The following UHRF1 variants were observed in gnomAD, a reference collection of about 807,000 sequenced individuals.
UHRF1 encodes E3 ubiquitin-protein ligase UHRF1.
A neutral mutation model predicts 96.5 loss-of-function variants in UHRF1; 9 were observed. The ratio of observed to expected loss-of-function variants is 0.09; its 90% CI spans 0.06 to 0.16. The LOEUF (loss-of-function observed/expected upper bound fraction) is 0.16, where lower values mean the gene tolerates loss of function less well. UHRF1 is among the 10% of genes least tolerant of loss of function. The pLI, the probability that UHRF1 is intolerant of heterozygous loss-of-function variation, is 1.00. For missense variants in UHRF1, 626 were observed against 1,131.1 expected (o/e 0.55, Z 6.40); for synonymous variants, 455 against 469.9 (o/e 0.97, Z 0.41).
upstream of UHRF1, among the ~76,000 whole-genome samples, chr19:4,905,539 T>C (rs1271838277): frequency 4.0e-5 from 6 of 151,068 alleles, no homozygotes; most frequent in Non-Finnish European, 8.9e-5. Context: ...ATTTTTGAGA[T>C]GGAGTTTTGC....
chr19:4,915,642 GGA>G (rs1314905322), intron 2 of UHRF1, among the ~76,000 whole-genome samples: 1 of 152,010 alleles, frequency 6.6e-6, no homozygotes, highest in Non-Finnish European at 1.5e-5. Context: ...CTGGGAGGTG[GGA>G]GGTTGCAGTG....
intron 11 of UHRF1, among the ~76,000 whole-genome samples, chr19:4,947,490 CTTTTTTTTTTTTTTTT>C (rs985069179): frequency 5.2e-5 from 3 of 57,888 alleles, no homozygotes; most frequent in Non-Finnish European, 9.3e-5. Context: ...TAATAGATAT[CTTTTTTTTTTTTTTTT>C]TTTTTTTTTT....
intron 11 of UHRF1, among the ~76,000 whole-genome samples, chr19:4,947,490 CT>C (rs985069179): frequency 0.036 from 2,076 of 57,644 alleles, 3 homozygotes; most frequent in African/African-American, 0.076. Context: ...TAATAGATAT[CT>C]TTTTTTTTTT....
intron 1 of UHRF1, chr19:4,910,402 G>C (rs2032218492): frequency 6.6e-6 from 1 of 152,208 alleles, no homozygotes; most frequent in South Asian, 2.1e-4. Context: ...GCGGATCTCG[G>C]GTGGGGTTTT....
At chr19:4,948,085 C>G (rs572136336) in intron 11 of UHRF1, among the ~76,000 whole-genome samples, 17 of 129,312 alleles carry the variant, frequency 1.3e-4, no homozygotes, top group Admixed American at 8.1e-4. Context: ...GCTTGAGCAA[C>G]AGACTGAGAT....
Position 4,954,516 on chromosome 19 carries a change from C to CGTCTT in UHRF1, c.1957+31_1957+35dup. 1 of 1,594,608 alleles carries CGTCTT rather than the reference C, an allele frequency of 6.3e-7. No individual in the cohort carries two copies. The highest frequency in any genetic ancestry group is 8.6e-7 in the Non-Finnish European group (1 of 1,167,668). On this transcript the variant is annotated intron_variant, in intron 14 of 16. Transcript: ENST00000650932. The surrounding 1 kb of genome is among the most constrained non-coding windows in gnomAD (Gnocchi z 5.9). ...GAGAATCTCGTGGGTGTGGGGTGAGCGTCTTGTGTGTGGGGGAGCAGGTGG... is the reference window on the plus strand; with the variant it reads ...GAGAATCTCGTGGGTGTGGGGTGAGCGTCTTGTCTTGTGTGTGGGGGAGCAGGTGG...
At position 4,930,592 on chromosome 19, in the gene UHRF1, C is replaced by A. The variant is rs545018890; in HGVS notation, c.409-124C>A. Reference sequence around the variant, plus strand: ...GCGGTTCCCAGCCAGGGAGGAGAAACCTCGCTGTGGGCATTCGAGTTTGCG... The same window carrying A: ...GCGGTTCCCAGCCAGGGAGGAGAAAACTCGCTGTGGGCATTCGAGTTTGCG... On this transcript the variant is annotated intron_variant, in intron 3 of 16. Coordinates refer to ENST00000650932, the MANE Select transcript of UHRF1 (RefSeq NM_001048201.3). The surrounding 1 kb of genome is among the most constrained non-coding windows in gnomAD (Gnocchi z 4.4). 9 of 1,249,306 alleles carry A rather than the reference C, an allele frequency of 7.2e-6. 1 individual carries two copies. In the African/African-American group the frequency reaches 7.5e-5, roughly 10 times the overall value. The allele number at this position is 1,249,306 out of a possible 1,614,324, so 77.4% of individuals were successfully genotyped here.
intron 13 of UHRF1, among the ~76,000 whole-genome samples, chr19:4,953,309 C>T (rs2033768416): frequency 6.6e-6 from 1 of 152,144 alleles, no homozygotes; most frequent in Non-Finnish European, 1.5e-5. Flanking sequence ...GAGTACCAAA[C>T]CGTTGATGTA....
intron 2 of UHRF1, among the ~76,000 whole-genome samples, chr19:4,918,546 C>T (rs1306240465): frequency 6.6e-6 from 1 of 151,650 alleles, no homozygotes. Flanking sequence ...TCCCGAGTAG[C>T]TGGGACTACA....
chr19:4,910,594 G>A (rs2032227631), intron 1 of UHRF1: 1 of 332,220 alleles, frequency 3.0e-6, no homozygotes, highest in Non-Finnish European at 5.4e-6. Flanking sequence ...TGGTCGTGGG[G>A]AAGGAGGGAT....
upstream of UHRF1, among the ~76,000 whole-genome samples, chr19:4,904,796 C>T (rs2146264582): frequency 6.6e-6 from 1 of 152,326 alleles, no homozygotes; most frequent in South Asian, 2.1e-4. Context: ...TTAATGACCT[C>T]TGAGAATGTA....
intron 2 of UHRF1, among the ~76,000 whole-genome samples, chr19:4,912,053 C>T (rs1193304650): frequency 6.6e-6 from 1 of 152,152 alleles, no homozygotes; most frequent in Non-Finnish European, 1.5e-5. Flanking sequence ...CAGATGAGAC[C>T]TGATGATTAA....
intron 2 of UHRF1, among the ~76,000 whole-genome samples, chr19:4,924,401 G>A (rs1410504192): frequency 3.3e-5 from 5 of 152,184 alleles, no homozygotes; most frequent in African/African-American, 1.2e-4. Flanking sequence ...CACCCGCCTC[G>A]GCCTCCCAAA....
intron 16 of UHRF1, among the ~76,000 whole-genome samples, chr19:4,958,081 G>A (rs1221173432): frequency 6.6e-6 from 1 of 152,238 alleles, no homozygotes; most frequent in Non-Finnish European, 1.5e-5. Flanking sequence ...CTCAGGGAAG[G>A]TCAGGAGATG....
intron 2 of UHRF1, among the ~76,000 whole-genome samples, chr19:4,912,401 A>G (rs185749702): frequency 6.6e-6 from 1 of 152,278 alleles, no homozygotes; most frequent in East Asian, 1.9e-4. Flanking sequence ...AGGACCTTCT[A>G]AGTTCACAGC....
At chr19:4,931,027 G>A (rs1239553959) in intron 4 of UHRF1, among the ~76,000 whole-genome samples, 151 bp downstream of exon 4, 2 of 152,182 alleles carry the variant, frequency 1.3e-5, no homozygotes, top group African/African-American at 4.8e-5. Flanking sequence ...ATACGAGGCT[G>A]CCCACTTGGG....
At chr19:4,927,595 C>G (rs2032915365) in intron 2 of UHRF1, among the ~76,000 whole-genome samples, 1 of 152,042 alleles carries the variant, frequency 6.6e-6, no homozygotes, top group African/African-American at 2.4e-5. Flanking sequence ...ATGTCTCTCT[C>G]CTCCCTTTTC....
intron 15 of UHRF1, among the ~76,000 whole-genome samples, chr19:4,955,246 C>T (rs1003949898): frequency 6.6e-6 from 1 of 152,204 alleles, no homozygotes; most frequent in Non-Finnish European, 1.5e-5. Flanking sequence ...GGGCTAAAGT[C>T]AGGGCAGGGA....
chr19:4,909,752 G>A (rs1159286507), intron 1 of UHRF1, 97 bp downstream of exon 1: 4 of 487,772 alleles, frequency 8.2e-6, no homozygotes, highest in African/African-American at 6.2e-5. Flanking sequence ...CCGGGCGCAC[G>A]CATGTCCCGC....
Sources: gnomAD v4.1 joint callset for allele counts (sites outside exome capture counted in the v4.1 genomes callset) on GRCh38, gnomAD v4.1.1 for gene constraint, Gnocchi (gnomAD v3.1) non-coding constraint, MANE v1.5 for transcripts, NCBI Gene and HGNC (gene_info 2026-07-23, HGNC 2026-07-21) for gene names.